Variants in MARCHF1 observed in about 807,000 individuals in gnomAD.
The protein encoded by MARCHF1 is membrane associated ring-CH-type finger 1.
In MARCHF1, 40 loss-of-function variants were observed where a neutral mutation model predicts 54.2. The ratio of observed to expected loss-of-function variants is 0.74; its 90% CI spans 0.57 to 0.96. The LOEUF (loss-of-function observed/expected upper bound fraction) is 0.96, where lower values mean the gene tolerates loss of function less well. MARCHF1 is among the 40% of genes least tolerant of loss of function. The probability of loss-of-function intolerance (pLI) is 0.00; values close to 1 mark genes in which losing one functional copy is unlikely to be tolerated. For synonymous variants in MARCHF1, 236 were observed against 236.3 expected (o/e 1.00, Z 0.01); for missense variants, 586 against 656.5 (o/e 0.89, Z 1.17).
In MARCHF1 at chr4:163,986,507, C is replaced by T. The variant is rs563382591; in HGVS notation, c.-39+1994G>A. On this transcript the variant is annotated intron_variant, in intron 3 of 9. Transcript: ENST00000514618. Reference sequence around the variant, plus strand: ...GTCTCGATCTCCTGACCTTGTGATCCGCCCGCCTCGGCCTCCCAAAGTGCT... The same window carrying T: ...GTCTCGATCTCCTGACCTTGTGATCTGCCCGCCTCGGCCTCCCAAAGTGCT... Among the ~76,000 whole-genome samples the T allele has an allele frequency of 1.1e-4, 17 of 151,808 alleles. No individual in the cohort carries two copies. In the South Asian group the frequency reaches 2.9e-3, roughly 26 times the overall value.
chr4:163,653,635 C>T (rs996493367), intron 5 of MARCHF1, among the ~76,000 whole-genome samples: 5 of 151,402 alleles, frequency 3.3e-5, no homozygotes, highest in Non-Finnish European at 7.4e-5. Context: ...GATTATGGGA[C>T]AGTTTGAATG....
chr4:164,227,727 A>C (rs949614008), intron 1 of MARCHF1, among the ~76,000 whole-genome samples: 8 of 152,184 alleles, frequency 5.3e-5, no homozygotes, highest in African/African-American at 1.9e-4. Context: ...TAATTTAAAA[A>C]AAAACTATAT....
intron 1 of MARCHF1, among the ~76,000 whole-genome samples, chr4:164,217,791 T>C (rs2111138696): frequency 6.6e-6 from 1 of 152,264 alleles, no homozygotes; most frequent in South Asian, 2.1e-4. Context: ...TCCCCACTCA[T>C]CGGTCTCCCT....
At chr4:163,867,794 T>A (rs2111207908) in intron 3 of MARCHF1, among the ~76,000 whole-genome samples, 1 of 148,752 alleles carries the variant, frequency 6.7e-6, no homozygotes, top group Admixed American at 6.9e-5. Context: ...ATAATAGCTA[T>A]ATCAACTTTC....
At position 164,043,107 on chromosome 4, in the gene MARCHF1, T is replaced by C. The variant is rs141510649; in HGVS notation, c.-247-54398A>G. On this transcript the variant is annotated intron_variant, in intron 2 of 9. Coordinates refer to ENST00000514618, the MANE Select transcript of MARCHF1 (RefSeq NM_001394959.1). ...ACATAGTGCAAGCTGTCAATGGATC[T>C]ACCTTTCTGGGGTATGGAGGATGAT... Among the ~76,000 whole-genome samples the C allele has an allele frequency of 2.0e-5, 3 of 152,302 alleles. No homozygotes were observed. In the East Asian group the frequency reaches 5.8e-4, roughly 29 times the overall value.
chr4:163,933,226 T>C, intron 3 of MARCHF1: 1 of 737,528 alleles, frequency 1.4e-6, no homozygotes, highest in Non-Finnish European at 2.4e-6. Context: ...AGGAGAAGAA[T>C]GTGATGCAGC....
At position 163,839,897 on chromosome 4, in the gene MARCHF1, G is replaced by GA. The variant is rs559221700; in HGVS notation, c.111+14123dup. 2.6e-4 allele frequency among the ~76,000 whole-genome samples: 39 copies of GA among 151,444 alleles called. 1 individual carries two copies. The highest frequency in any genetic ancestry group is 4.4e-4 in the Non-Finnish European group (30 of 67,758). ...AAATATATCTCACTTGAGCTGTAAA[G>GA]AAAAAAAATGTACAATAGAGAAAAT... On this transcript the variant is annotated intron_variant, in intron 4 of 9. Coordinates refer to ENST00000514618, the MANE Select transcript of MARCHF1 (RefSeq NM_001394959.1).
chr4:164,058,613 G>A (rs149205443), intron 2 of MARCHF1, among the ~76,000 whole-genome samples: 8 of 152,034 alleles, frequency 5.3e-5, no homozygotes, highest in African/African-American at 1.9e-4. Context: ...TTGGAGGTGT[G>A]GATCACACAT....
At chr4:163,997,628 T>C (rs1430660064) in intron 2 of MARCHF1, among the ~76,000 whole-genome samples, 3 of 152,024 alleles carry the variant, frequency 2.0e-5, no homozygotes, top group African/African-American at 7.2e-5. Flanking sequence ...TATTTGTACA[T>C]AGGTTGTTTC....
intron 4 of MARCHF1, among the ~76,000 whole-genome samples, chr4:163,730,291 T>C (rs1745787828): frequency 6.6e-6 from 1 of 152,154 alleles, no homozygotes; most frequent in African/African-American, 2.4e-5. Context: ...GTTTGTACAT[T>C]GTTTTCTTGA....
At chr4:164,343,091 G>A (rs1411997819) in intron 1 of MARCHF1, among the ~76,000 whole-genome samples, 1 of 152,054 alleles carries the variant, frequency 6.6e-6, no homozygotes. Context: ...TAATAATAAT[G>A]TATTTTTTAC....
chr4:164,313,820 C>T (rs1382456746), intron 1 of MARCHF1, among the ~76,000 whole-genome samples: 1 of 152,146 alleles, frequency 6.6e-6, no homozygotes. Flanking sequence ...CCTTCCTTTC[C>T]CACATTCAAT....
chr4:163,758,940 TAGGAA>T (rs1746753986), intron 4 of MARCHF1, among the ~76,000 whole-genome samples: 1 of 152,188 alleles, frequency 6.6e-6, no homozygotes. Context: ...TTTTAAATAT[TAGGAA>T]AGGCTTCTTA....
At chr4:164,240,990 C>T (rs1029406435) in intron 1 of MARCHF1, among the ~76,000 whole-genome samples, 4 of 152,246 alleles carry the variant, frequency 2.6e-5, no homozygotes, top group Admixed American at 6.5e-5. Context: ...AGAGGTCACA[C>T]GACTGGGGAC....
At chr4:163,778,869 G>C (rs1747380918) in intron 4 of MARCHF1, among the ~76,000 whole-genome samples, 1 of 151,936 alleles carries the variant, frequency 6.6e-6, no homozygotes, top group African/African-American at 2.4e-5. Flanking sequence ...GGGTGGGAGG[G>C]GGGTATATGA....
chr4:163,862,121 C>A (rs539950201), intron 3 of MARCHF1, among the ~76,000 whole-genome samples: 1 of 151,942 alleles, frequency 6.6e-6, no homozygotes, highest in South Asian at 2.1e-4. Flanking sequence ...TACAAAGAAA[C>A]AGAAAATGTG....
At chr4:164,309,309 T>A (rs34952857) in intron 1 of MARCHF1, among the ~76,000 whole-genome samples, 1 of 151,996 alleles carries the variant, frequency 6.6e-6, no homozygotes, top group Admixed American at 6.6e-5. Flanking sequence ...TGTGTTATTG[T>A]GGCTTTCTGC....
At chr4:164,214,423 T>C (rs1244643039) in intron 1 of MARCHF1, among the ~76,000 whole-genome samples, 1 of 152,200 alleles carries the variant, frequency 6.6e-6, no homozygotes, top group Non-Finnish European at 1.5e-5. Flanking sequence ...TCTTTGTTTA[T>C]GTAACAAAGT....
intron 3 of MARCHF1, among the ~76,000 whole-genome samples, chr4:163,976,684 A>AGTCCC (rs1330630403): frequency 6.6e-6 from 1 of 152,198 alleles, no homozygotes; most frequent in Non-Finnish European, 1.5e-5. Context: ...TAGAACAATG[A>AGTCCC]GTCCCATGTT....
Sources: gnomAD v4.1 joint callset for allele counts (sites outside exome capture counted in the v4.1 genomes callset) on GRCh38, gnomAD v4.1.1 for gene constraint, MANE v1.5 for transcripts, NCBI Gene and HGNC (gene_info 2026-07-23, HGNC 2026-07-21) for gene names.